DCAF5: variants seen among roughly 807,000 people sequenced by gnomAD.
DCAF5 encodes DDB1 and CUL4 associated factor 5.
Under a neutral mutation model 80.7 loss-of-function variants are expected in DCAF5, and 9 were observed. The ratio of observed to expected loss-of-function variants is 0.11; its 90% CI spans 0.07 to 0.19. The LOEUF is 0.19. Ranked by LOEUF, DCAF5 falls within the 10% of genes least tolerant of loss-of-function variation. DCAF5 has a pLI of 1.00. For missense variants in DCAF5, 842 were observed against 1,205.7 expected (o/e 0.70, Z 4.47); for synonymous variants, 433 against 461.9 (o/e 0.94, Z 0.80).
intron 1 of DCAF5, among the ~76,000 whole-genome samples, chr14:69,130,208 A>C (rs1177212616): frequency 6.6e-6 from 1 of 152,238 alleles, no homozygotes; most frequent in African/African-American, 2.4e-5. Context: ...AGGACTGAGA[A>C]AGCAGTCTGA....
chr14:69,084,907 T>C (rs1367863019), intron 6 of DCAF5: 2 of 1,397,208 alleles, frequency 1.4e-6, no homozygotes, highest in African/African-American at 2.8e-5. Flanking sequence ...AGGAATAATA[T>C]TCATCGTGTG....
In DCAF5 at chr14:69,054,439, G is replaced by C. The variant is rs1366782373; in HGVS notation, c.2247C>G (p.His749Gln). ...GCACCTCTGCCCAAGCATGGCTGCT[G>C]TGCTCATGGCCTGGGCCATTGCTGG... Reference protein sequence around the residue: ...RTPSNGPGHEHSSHAWAEVPE... With the variant: ...RTPSNGPGHEQSSHAWAEVPE... The change falls in exon 9 of 9, where the codon CAC becomes CAG. Residue 749 changes from histidine (H) to glutamine (Q), a missense_variant. Physicochemically the swap from His to Gln is conservative, Grantham distance 24. Around this residue, in one of 5 missense-constraint regions of DCAF5, gnomAD observed 607 missense variants for 656.6 expected, o/e 0.92. Coordinates refer to ENST00000341516, the MANE Select transcript of DCAF5 (RefSeq NM_003861.3). The C allele has an allele frequency of 1.2e-6, 2 of 1,613,936 alleles. No individual in the cohort carries two copies. The highest frequency in any genetic ancestry group is 1.7e-5 in the Admixed American group (1 of 60,012).
At chr14:69,147,302 G>A (rs534243635) in intron 1 of DCAF5, among the ~76,000 whole-genome samples, 2 of 152,296 alleles carry the variant, frequency 1.3e-5, no homozygotes, top group East Asian at 3.9e-4. Context: ...GTATATGTTA[G>A]ATGTTGAAGG....
At chr14:69,069,072 A>G (rs1293571661) in intron 7 of DCAF5, among the ~76,000 whole-genome samples, 2 of 152,236 alleles carry the variant, frequency 1.3e-5, no homozygotes, top group Non-Finnish European at 2.9e-5. Flanking sequence ...GCAACCAATT[A>G]AAAACAGCTG....
chr14:69,091,266 T>C (rs1365409063), intron 6 of DCAF5: 30 of 676,046 alleles, frequency 4.4e-5, no homozygotes, highest in South Asian at 4.2e-4. Context: ...TCAAGATACA[T>C]GTCTCTTGGA....
At chr14:69,087,405 G>A (rs1387285028) in intron 6 of DCAF5, among the ~76,000 whole-genome samples, 1 of 152,164 alleles carries the variant, frequency 6.6e-6, no homozygotes, top group African/African-American at 2.4e-5. Context: ...CCAAGGAAAG[G>A]AATGCTGTTT....
chr14:69,145,232 G>A (rs565280060), intron 1 of DCAF5, among the ~76,000 whole-genome samples: 1 of 152,084 alleles, frequency 6.6e-6, no homozygotes, highest in Non-Finnish European at 1.5e-5. Context: ...TAACCAGGCT[G>A]ATCTCAAACT....
At chr14:69,102,545 T>C (rs991724985) in intron 5 of DCAF5, among the ~76,000 whole-genome samples, 1 of 150,214 alleles carries the variant, frequency 6.7e-6, no homozygotes, top group African/African-American at 2.4e-5. Flanking sequence ...CCTTATTCTT[T>C]TTTTTTTTTT....
chr14:69,141,451 C>G (rs922502486), intron 1 of DCAF5, among the ~76,000 whole-genome samples: 1 of 152,022 alleles, frequency 6.6e-6, no homozygotes, highest in Non-Finnish European at 1.5e-5. Flanking sequence ...TGTGCTACAC[C>G]CATTAACTCG....
In DCAF5 at chr14:69,152,249, C is replaced by A. The variant is rs1381808476; in HGVS notation, c.214+516G>T. Among the ~76,000 whole-genome samples the A allele has an allele frequency of 6.6e-6, 1 of 152,156 alleles. No homozygotes were observed. Among genetic ancestry groups the A allele is most frequent in the African/African-American group, 2.4e-5 (1 of 41,448 alleles). On this transcript the variant is annotated intron_variant, in intron 1 of 8. Transcript: ENST00000341516. This position sits in a 1 kb window ranked among gnomAD's most constrained non-coding sequence, Gnocchi z 4.1. ...TTCCCCTCTGCAGACCCCGCCAGCC[C>A]CCGGGTCGCAGCCCCCGGCCCCTCG...
Position 69,118,012 on chromosome 14 carries a change from G to A in DCAF5, c.535+127C>T. 7.6e-7 allele frequency: 1 copy of A among 1,316,260 alleles called. No individual in the cohort carries two copies. 81.5% of individuals were successfully genotyped at this position (1,316,260 alleles called of 1,614,324 possible). On this transcript the variant is annotated intron_variant, in intron 4 of 8. Transcript: ENST00000341516. This position sits in a 1 kb window ranked among gnomAD's most constrained non-coding sequence, Gnocchi z 4.0. ...AAAGACCTCTTATGCCCCCATGTGA[G>A]TGTTTCACATTTCCTTTCCCTTGAC...
At chr14:69,151,974 G>A (rs567262495) in intron 1 of DCAF5, among the ~76,000 whole-genome samples, 1 of 152,346 alleles carries the variant, frequency 6.6e-6, no homozygotes, top group Non-Finnish European at 1.5e-5. Context: ...CAGCGGCCGC[G>A]GGAAACGGGG....
At chr14:69,119,722 A>AG (rs1021276439) in intron 2 of DCAF5, among the ~76,000 whole-genome samples, 3 of 149,020 alleles carry the variant, frequency 2.0e-5, no homozygotes, top group African/African-American at 7.4e-5. Flanking sequence ...AAAAAAAAGT[A>AG]GGGGGGAAAC....
intron 1 of DCAF5, among the ~76,000 whole-genome samples, chr14:69,138,476 C>T (rs2140107827): frequency 6.6e-6 from 1 of 152,310 alleles, no homozygotes; most frequent in Middle Eastern, 3.4e-3. Flanking sequence ...TTAATCAAAA[C>T]CATGTTCAGG....
chr14:69,084,944 G>A, intron 6 of DCAF5: 2 of 1,428,266 alleles, frequency 1.4e-6, no homozygotes, highest in Middle Eastern at 1.8e-4. Flanking sequence ...ACCTAAATGG[G>A]AGAAGGCATG....
intron 1 of DCAF5, among the ~76,000 whole-genome samples, chr14:69,150,991 C>A (rs1162138163): frequency 6.6e-6 from 1 of 152,092 alleles, no homozygotes; most frequent in Non-Finnish European, 1.5e-5. Context: ...AAAAGAGTAC[C>A]CCCAAACTCC....
At chr14:69,145,266 C>CCT (rs1213525530) in intron 1 of DCAF5, among the ~76,000 whole-genome samples, 5 of 152,246 alleles carry the variant, frequency 3.3e-5, no homozygotes, top group African/African-American at 1.2e-4. Context: ...GATCCTCCTG[C>CCT]CTCTGCCTCC....
intron 1 of DCAF5, among the ~76,000 whole-genome samples, chr14:69,125,821 G>A (rs752417276): frequency 2.6e-5 from 4 of 151,972 alleles, no homozygotes; most frequent in Non-Finnish European, 5.9e-5. Flanking sequence ...GTTTCGAAAG[G>A]ATATGAAAGG....
At chr14:69,123,640 T>C (rs1246688327) in intron 1 of DCAF5, among the ~76,000 whole-genome samples, 1 of 152,174 alleles carries the variant, frequency 6.6e-6, no homozygotes, top group East Asian at 1.9e-4. Context: ...TTTTTCATCA[T>C]CCCAAACTGA....
Sources: allele counts gnomAD v4.1 joint callset (sites outside exome capture counted in the v4.1 genomes callset), GRCh38; gene constraint gnomAD v4.1.1; regional missense constraint gnomAD v4.1.1; non-coding constraint Gnocchi (gnomAD v3.1); transcripts MANE v1.5; gene names NCBI Gene and HGNC (gene_info 2026-07-23, HGNC 2026-07-21).